The following SNX32 variants were observed in gnomAD, a reference collection of about 807,000 sequenced individuals.
SNX32 encodes the protein sorting nexin 32.
A neutral mutation model predicts 57.0 loss-of-function variants in SNX32; 58 were observed. That is an observed-to-expected ratio of 1.02 (90% CI 0.82 to 1.27). SNX32 has a LOEUF of 1.27. SNX32 is among the 50% of genes most tolerant of loss of function. The pLI, the probability that SNX32 is intolerant of heterozygous loss-of-function variation, is 0.00. For missense variants in SNX32, 589 were observed against 541.2 expected, an observed-to-expected ratio of 1.09 and a Z score of -0.88; for synonymous variants, 262 against 220.4, an observed-to-expected ratio of 1.19 and a Z score of -1.67.
chr11:65,848,212 G>C (rs1389807185), intron 1 of SNX32, among the ~76,000 whole-genome samples: 1 of 152,182 alleles, frequency 6.6e-6, no homozygotes, highest in Non-Finnish European at 1.5e-5. Context: ...TTGTATACTG[G>C]TGAGCAATGC....
intron 1 of SNX32, among the ~76,000 whole-genome samples, chr11:65,835,935 T>G (rs1858658092): frequency 6.6e-6 from 1 of 152,182 alleles, no homozygotes; most frequent in Admixed American, 6.5e-5. Flanking sequence ...TTAAAGGAGT[T>G]AACATATATA....
rs1188395107 is a variant in SNX32 at position 65,834,080 on chromosome 11, G to A, written c.15G>A (p.Ala5=). METY[A]EVGKEGKPSC... ...CCAGGAGAGCGATGGAGACGTATGCGGAGGTTGGGAAGGAGGGCAAGGTAG... is the reference window on the plus strand; with the variant it reads ...CCAGGAGAGCGATGGAGACGTATGCAGAGGTTGGGAAGGAGGGCAAGGTAG... Residue 5 remains alanine, a synonymous_variant, in exon 1 of 13, where the codon GCG becomes GCA. Transcript: ENST00000308342. 5 of 1,551,436 alleles carry A rather than the reference G, an allele frequency of 3.2e-6. No homozygotes were observed. The East Asian group carries it at 1.2e-4, about 38-fold the overall frequency.
chr11:65,841,600 A>G lies in SNX32; in HGVS notation c.36+7499A>G, dbSNP rs1858842876. On this transcript the variant is annotated intron_variant, in intron 1 of 12. Coordinates refer to ENST00000308342, the MANE Select transcript of SNX32 (RefSeq NM_152760.3). ...TTAAAATATAATTTAAAAAGCAAAG[A>G]AAGGGCGCCTATAATCCCAGCTGCT... 4.6e-5 allele frequency among the ~76,000 whole-genome samples: 7 copies of G among 151,988 alleles called. No individual in the cohort carries two copies. The South Asian group carries it at 1.5e-3, about 32-fold the overall frequency.
chr11:65,846,752 G>A (rs1287513769), intron 1 of SNX32, among the ~76,000 whole-genome samples: 1 of 151,980 alleles, frequency 6.6e-6, no homozygotes, highest in African/African-American at 2.4e-5. Context: ...GGGAGGCCAA[G>A]GCGGGAGGAT....
intron 1 of SNX32, among the ~76,000 whole-genome samples, chr11:65,836,415 G>A (rs1012403835): frequency 2.6e-5 from 4 of 152,102 alleles, no homozygotes; most frequent in South Asian, 2.1e-4. Flanking sequence ...GTGGTGGTGC[G>A]CACCTGTAAT....
intron 8 of SNX32, 70 bp downstream of exon 8, chr11:65,851,473 C>T (rs1859194480): frequency 1.2e-5 from 18 of 1,562,164 alleles, no homozygotes; most frequent in East Asian, 2.3e-5. Context: ...AGGGGTCACT[C>T]TGTAGATGTC....
intron 12 of SNX32, 54 bp from the exon 13 acceptor site, chr11:65,853,228 T>G (rs1373996826): frequency 5.6e-6 from 9 of 1,612,676 alleles, no homozygotes; most frequent in Non-Finnish European, 8.5e-7. Context: ...GCAGAAAGAA[T>G]GGCAGCCTGA....
intron 1 of SNX32, among the ~76,000 whole-genome samples, chr11:65,842,949 C>CAAA (rs922615169): frequency 4.4e-4 from 18 of 41,192 alleles, no homozygotes; most frequent in Non-Finnish European, 5.8e-4. Flanking sequence ...AACTCCATCT[C>CAAA]AAAAAAAAAA....
intron 1 of SNX32, among the ~76,000 whole-genome samples, chr11:65,844,442 A>G (rs1453937793): frequency 2.0e-5 from 3 of 152,086 alleles, no homozygotes; most frequent in South Asian, 4.1e-4. Context: ...TTCTTTAAAA[A>G]AAAAAAAATA....
At chr11:65,853,067 G>T in intron 12 of SNX32, 109 bp downstream of exon 12, 1 of 1,312,768 alleles carries the variant, frequency 7.6e-7, no homozygotes. Context: ...ACGCATGTAT[G>T]CGCGTGTGTG....
chr11:65,842,854 G>A (rs1297163808), intron 1 of SNX32, among the ~76,000 whole-genome samples: 2 of 149,460 alleles, frequency 1.3e-5, no homozygotes, highest in Non-Finnish European at 3.0e-5. Flanking sequence ...GGAGGCTGAG[G>A]CAGGAGAATC....
In SNX32 at chr11:65,849,569, C is replaced by T. The variant is rs1293516059; in HGVS notation, c.128C>T (p.Thr43Ile). The change falls in exon 2 of 13, where the codon ACT becomes ATT. Residue 43 changes from threonine (T) to isoleucine (I), a missense_variant. Physicochemically the swap from Thr to Ile is moderately conservative, Grantham distance 89. Coordinates refer to ENST00000308342, the MANE Select transcript of SNX32 (RefSeq NM_152760.3). ...AGTGAGCGGGACAAGGTGAAATTCA[C>T]TGTTCAAACAAAGGTGAGGCAGTGC... The part of the protein sequence containing the change: ...AVSERDKVKF[T>I]VQTKSCLPHF... 5 of 1,614,134 alleles carry T rather than the reference C, an allele frequency of 3.1e-6. No homozygotes were observed. The highest frequency in any genetic ancestry group is 3.4e-6 in the Non-Finnish European group (4 of 1,179,972).
intron 1 of SNX32, among the ~76,000 whole-genome samples, chr11:65,846,249 C>A (rs1478111478): frequency 1.3e-5 from 2 of 151,786 alleles, no homozygotes; most frequent in East Asian, 1.9e-4. Flanking sequence ...CCAGCCTGGG[C>A]GACAGAGTGA....
chr11:65,852,492 G>A lies in SNX32; in HGVS notation c.853G>A (p.Glu285Lys). The stretch of plus-strand genomic sequence containing the variant: ...GCTGGAGGGCCGGGTGGCTTCCGAT[G>A]AGGACCTGAAGCTGTCAGACATGCT... ...RKLEGRVASDEDLKLSDMLRY... is the reference protein window; with the variant it reads ...RKLEGRVASDKDLKLSDMLRY... Residue 285 changes from glutamate (E) to lysine (K), a missense_variant, in exon 10 of 13, where the codon GAG becomes AAG. Glu to Lys is a moderately conservative substitution (Grantham distance 56). Coordinates refer to ENST00000308342, the MANE Select transcript of SNX32 (RefSeq NM_152760.3). The A allele has an allele frequency of 6.2e-7, 1 of 1,614,196 alleles. No homozygotes were observed. Among genetic ancestry groups the A allele is most frequent in the Non-Finnish European group, 8.5e-7 (1 of 1,180,038 alleles).
chr11:65,844,393 A>T (rs1187715789), intron 1 of SNX32, among the ~76,000 whole-genome samples: 1 of 151,670 alleles, frequency 6.6e-6, no homozygotes, highest in Admixed American at 6.6e-5. Flanking sequence ...GCCTGAGCCC[A>T]GTTCAAGGCC....
At chr11:65,843,020 C>A (rs377326236) in intron 1 of SNX32, among the ~76,000 whole-genome samples, 1 of 139,040 alleles carries the variant, frequency 7.2e-6, no homozygotes. Flanking sequence ...GTCAGGAGAT[C>A]GAGACCATCC....
At chr11:65,836,183 T>A (rs1858664398) in intron 1 of SNX32, among the ~76,000 whole-genome samples, 1 of 152,078 alleles carries the variant, frequency 6.6e-6, no homozygotes, top group Non-Finnish European at 1.5e-5. Flanking sequence ...TCTAAGATCT[T>A]CCTTTAAATA....
chr11:65,834,560 G>GTGTGTC (rs1404334854), intron 1 of SNX32, among the ~76,000 whole-genome samples: 41 of 151,180 alleles, frequency 2.7e-4, no homozygotes, highest in Non-Finnish European at 2.2e-4. Context: ...GTGTGTGTCT[G>GTGTGTC]TGTGTCTGTG....
Position 65,849,987 on chromosome 11 carries a change from T to G in SNX32, c.209T>G (p.Leu70Arg), listed in dbSNP as rs1329953214. The G allele has an allele frequency of 6.2e-7, 1 of 1,612,206 alleles. No individual in the cohort carries two copies. Among genetic ancestry groups the G allele is most frequent in the Admixed American group, 1.7e-5 (1 of 59,942 alleles). ...VVRQHEEFIW[L>R]HDAYVENEEY... ...CGGCAGCACGAGGAGTTCATCTGGC[T>G]GCATGATGCCTACGTGGAGAATGAG... Residue 70 changes from leucine (L) to arginine (R), a missense_variant, in exon 3 of 13, where the codon CTG becomes CGG. Leu to Arg is a moderately radical substitution (Grantham distance 102). Transcript: ENST00000308342.
Sources: allele counts gnomAD v4.1 joint callset (sites outside exome capture counted in the v4.1 genomes callset), GRCh38; gene constraint gnomAD v4.1.1; transcripts MANE v1.5; gene names NCBI Gene and HGNC (gene_info 2026-07-23, HGNC 2026-07-21).